The following SGK1 variants were observed in gnomAD, a reference collection of about 807,000 sequenced individuals.
SGK1 encodes the protein serine/threonine-protein kinase Sgk1.
In SGK1, 26 loss-of-function variants were observed where a neutral mutation model predicts 64.2. The ratio of observed to expected loss-of-function variants is 0.40; its 90% CI spans 0.30 to 0.56. The LOEUF (loss-of-function observed/expected upper bound fraction) is 0.56, where lower values mean the gene tolerates loss of function less well. SGK1 is among the 20% of genes least tolerant of loss of function. The pLI is 0.38. For synonymous variants in SGK1, 265 were observed against 239.7 expected, an observed-to-expected ratio of 1.11 and a Z score of -0.98; for missense variants, 519 against 645.6, an observed-to-expected ratio of 0.80 and a Z score of 2.12.
chr6:134,182,381 T>C (rs536299043), intron 3 of SGK1, among the ~76,000 whole-genome samples: 3 of 151,362 alleles, frequency 2.0e-5, no homozygotes, highest in African/African-American at 7.3e-5. Flanking sequence ...ACCCCGTCTC[T>C]ACTAAAAATA....
intron 2 of SGK1, among the ~76,000 whole-genome samples, chr6:134,253,014 A>G (rs1486758367): frequency 6.6e-6 from 1 of 152,224 alleles, no homozygotes; most frequent in Non-Finnish European, 1.5e-5. Context: ...AAAACTCAAG[A>G]CAATATAAAA....
intron 3 of SGK1, among the ~76,000 whole-genome samples, chr6:134,203,188 A>AGC (rs1413920487): frequency 1.3e-5 from 2 of 152,202 alleles, no homozygotes; most frequent in Non-Finnish European, 2.9e-5. Context: ...GGTCACAGAG[A>AGC]GCCAAGATTG....
At chr6:134,207,195 C>CA (rs1191016665) in intron 3 of SGK1, among the ~76,000 whole-genome samples, 161 bp downstream of exon 3, 1 of 152,124 alleles carries the variant, frequency 6.6e-6, no homozygotes, top group Non-Finnish European at 1.5e-5. Flanking sequence ...CACTGCCCTC[C>CA]AACCTGGGCA....
chr6:134,173,431 T>G (rs369490715), intron 6 of SGK1, 31 bp downstream of exon 6: 23 of 1,576,234 alleles, frequency 1.5e-5, no homozygotes, highest in Non-Finnish European at 1.8e-5. Context: ...ATGAAGGAAG[T>G]GTACCAAAAG....
intron 1 of SGK1, among the ~76,000 whole-genome samples, chr6:134,302,252 T>A (rs1777469949): frequency 6.6e-6 from 1 of 152,236 alleles, no homozygotes; most frequent in Admixed American, 6.5e-5. Flanking sequence ...TGTCCCTCAG[T>A]GCCTTGTGCA....
chr6:134,272,141 C>CTTTT (rs369377380), intron 1 of SGK1, among the ~76,000 whole-genome samples: 6 of 129,458 alleles, frequency 4.6e-5, no homozygotes, highest in Non-Finnish European at 3.3e-5. Context: ...CGTGCCCAGC[C>CTTTT]TTTTTTTTTT....
intron 3 of SGK1, among the ~76,000 whole-genome samples, chr6:134,207,094 C>T (rs983506880): frequency 2.0e-5 from 3 of 151,840 alleles, no homozygotes; most frequent in Admixed American, 6.6e-5. Context: ...GGCATGGTGG[C>T]GGGCGCCTAC....
chr6:134,170,884 AAGG>A lies in SGK1; in HGVS notation c.1352_1354del (p.Ser451del). The A allele has an allele frequency of 1.2e-6, 2 of 1,612,108 alleles. No homozygotes were observed. Among genetic ancestry groups the A allele is most frequent in the Non-Finnish European group, 1.7e-6 (2 of 1,178,148 alleles). On this transcript the variant is annotated inframe_deletion, in exon 13 of 14. Coordinates refer to ENST00000367858, the MANE Select transcript of SGK1 (RefSeq NM_001143676.3). ...ATTAATGAGATCATCCCAGTTAATT[AAGG>A]AGAAGAAGACATGACTCTTAATCTC...
intron 2 of SGK1, among the ~76,000 whole-genome samples, chr6:134,229,208 C>T (rs1776239746): frequency 6.6e-6 from 1 of 152,234 alleles, no homozygotes; most frequent in Non-Finnish European, 1.5e-5. Flanking sequence ...TACAGCAAGG[C>T]TTTGTCGCAC....
intron 1 of SGK1, among the ~76,000 whole-genome samples, chr6:134,282,927 A>G (rs1777116580): frequency 6.6e-6 from 1 of 151,786 alleles, no homozygotes; most frequent in African/African-American, 2.4e-5. Context: ...AGATCACACT[A>G]GAAAGATAGA....
At chr6:134,252,821 C>G (rs1333887063) in intron 2 of SGK1, among the ~76,000 whole-genome samples, 1 of 151,968 alleles carries the variant, frequency 6.6e-6, no homozygotes, top group Non-Finnish European at 1.5e-5. Context: ...CTCCAGAGAC[C>G]ATAATACATC....
intron 1 of SGK1, among the ~76,000 whole-genome samples, chr6:134,304,582 A>G (rs1482313001): frequency 6.6e-6 from 1 of 152,074 alleles, no homozygotes; most frequent in Admixed American, 6.5e-5. Flanking sequence ...TGGAGATTGC[A>G]CCACTGCATT....
intron 3 of SGK1, among the ~76,000 whole-genome samples, chr6:134,184,376 G>A (rs145539057): frequency 0.062 from 9,393 of 151,414 alleles, 1,001 homozygotes; most frequent in African/African-American, 0.21. Context: ...GTGGTGGTGC[G>A]CGCCTGTAGT....
intron 2 of SGK1, among the ~76,000 whole-genome samples, chr6:134,236,377 G>A (rs1199929701): frequency 6.6e-6 from 1 of 152,140 alleles, no homozygotes; most frequent in Non-Finnish European, 1.5e-5. Flanking sequence ...ACGCCTGTAA[G>A]CACTTTTGGG....
At chr6:134,236,174 GA>G (rs1210042912) in intron 2 of SGK1, among the ~76,000 whole-genome samples, 1 of 152,156 alleles carries the variant, frequency 6.6e-6, no homozygotes, top group African/African-American at 2.4e-5. Flanking sequence ...AGTTATGAAG[GA>G]GGGGGATTCC....
intron 1 of SGK1, among the ~76,000 whole-genome samples, chr6:134,267,787 TC>T (rs1182957033): frequency 6.6e-5 from 10 of 152,290 alleles, no homozygotes; most frequent in African/African-American, 2.4e-4. Flanking sequence ...GGAGAAATAC[TC>T]CCTTTCTCCA....
At chr6:134,199,545 C>G (rs1775648556) in intron 3 of SGK1, among the ~76,000 whole-genome samples, 1 of 107,838 alleles carries the variant, frequency 9.3e-6, no homozygotes, top group Non-Finnish European at 1.8e-5. Context: ...GGCGACAGGG[C>G]AAGACTCTCT....
chr6:134,206,887 A>C (rs1367113451), intron 3 of SGK1, among the ~76,000 whole-genome samples: 5 of 87,976 alleles, frequency 5.7e-5, no homozygotes, highest in South Asian at 1.4e-3. Context: ...AAAAAAACAA[A>C]AAAAAAATTA....
intron 2 of SGK1, among the ~76,000 whole-genome samples, chr6:134,253,533 G>A (rs1776636757): frequency 6.6e-6 from 1 of 152,134 alleles, no homozygotes. Context: ...GGTGGTGAAA[G>A]CCTGTAGTCC....
Sources: allele counts gnomAD v4.1 joint callset (sites outside exome capture counted in the v4.1 genomes callset), GRCh38; gene constraint gnomAD v4.1.1; transcripts MANE v1.5; gene names NCBI Gene and HGNC (gene_info 2026-07-23, HGNC 2026-07-21).